The following MICAL2 variants were observed in gnomAD, a reference collection of about 807,000 sequenced individuals.
MICAL2 encodes [F-actin]-monooxygenase MICAL2.
MICAL2 carries 77 observed loss-of-function variants against 127.3 expected under a neutral mutation model. The observed-to-expected ratio is 0.60, with a 90% CI of 0.50 to 0.73. The LOEUF is 0.73. Among genes scored for constraint, MICAL2 ranks in the 30% least tolerant of loss-of-function variants. The pLI is 0.00. For synonymous variants in MICAL2, 570 were observed against 551.1 expected (o/e 1.03, Z -0.48); for missense variants, 1,351 against 1,434.4 (o/e 0.94, Z 0.94).
chr11:12,225,931 A>G (rs965433521), intron 13 of MICAL2, among the ~76,000 whole-genome samples: 1 of 152,234 alleles, frequency 6.6e-6, no homozygotes, highest in Admixed American at 6.5e-5. Context: ...TCATTTTCTG[A>G]TGGCTTTAGC....
In MICAL2 at chr11:12,260,117, C is replaced by A. The variant is rs542481264; in HGVS notation, c.3334+220C>A. Reference sequence around the variant, plus strand: ...GCCATGTACAGGGAATCTGAGGGCTCCCTCGAGAGCATCTGCAACTGGGTG... The same window carrying A: ...GCCATGTACAGGGAATCTGAGGGCTACCTCGAGAGCATCTGCAACTGGGTG... On this transcript the variant is annotated intron_variant, in intron 26 of 27. Coordinates refer to ENST00000683283, the MANE Select transcript of MICAL2 (RefSeq NM_001282663.2). 4.5e-5 allele frequency: 69 copies of A among 1,535,274 alleles called. No homozygotes were observed. In the South Asian group the frequency reaches 7.1e-4, roughly 16 times the overall value.
chr11:12,144,634 C>A (rs1194014809), intron 2 of MICAL2, among the ~76,000 whole-genome samples: 1 of 152,182 alleles, frequency 6.6e-6, no homozygotes, highest in African/African-American at 2.4e-5. Flanking sequence ...TCTGCAGCCT[C>A]CGAGCCATTA....
At chr11:12,255,396 A>T (rs551076884) in intron 22 of MICAL2, 2 of 499,632 alleles carry the variant, frequency 4.0e-6, no homozygotes, top group South Asian at 4.4e-5. Flanking sequence ...TACTCTAGGT[A>T]CCACATATAA....
chr11:12,211,122 G>A (rs1855403215), intron 6 of MICAL2, among the ~76,000 whole-genome samples: 1 of 152,236 alleles, frequency 6.6e-6, no homozygotes, highest in African/African-American at 2.4e-5. Flanking sequence ...GCTCACACCT[G>A]TAATCCCAGC....
At chr11:12,283,449 T>C (rs913655445) in intron 2 of MICAL2, among the ~76,000 whole-genome samples, 1 of 151,420 alleles carries the variant, frequency 6.6e-6, no homozygotes, top group African/African-American at 2.4e-5. Flanking sequence ...AACAGACAAA[T>C]GGATAAACAA....
intron 17 of MICAL2, among the ~76,000 whole-genome samples, chr11:12,239,932 T>G (rs1859636547): frequency 6.6e-6 from 1 of 152,410 alleles, no homozygotes; most frequent in East Asian, 1.9e-4. Flanking sequence ...GTGGTTGTTC[T>G]GCATTAAATA....
intron 30 of MICAL2, among the ~76,000 whole-genome samples, chr11:12,320,718 C>T (rs1376798662): frequency 6.6e-6 from 1 of 151,994 alleles, no homozygotes; most frequent in Admixed American, 6.6e-5. Context: ...GGAGATTTGA[C>T]ATCATCTCAA....
intron 6 of MICAL2, among the ~76,000 whole-genome samples, chr11:12,212,314 T>TA (rs950149039): frequency 2.7e-5 from 4 of 150,826 alleles, no homozygotes; most frequent in East Asian, 3.9e-4. Flanking sequence ...CACAAACACT[T>TA]AAAAAAAAAT....
intron 29 of MICAL2, among the ~76,000 whole-genome samples, chr11:12,301,950 T>G (rs2134805765): frequency 6.6e-6 from 1 of 152,326 alleles, no homozygotes; most frequent in South Asian, 2.1e-4. Flanking sequence ...TTGTAAGCTC[T>G]TTTTAATAAA....
exon 30 of MICAL2, chr11:12,319,746 G>GACTCTTCAA: frequency 6.2e-7 from 1 of 1,614,082 alleles, no homozygotes; most frequent in Non-Finnish European, 8.5e-7. Context: ...TTCCTCTTCT[G>GACTCTTCAA]CCTCTTCAAC....
intron 26 of MICAL2, chr11:12,262,096 G>A (rs1590702163): frequency 9.9e-6 from 11 of 1,115,210 alleles, no homozygotes; most frequent in Middle Eastern, 4.1e-4. Context: ...TGAGATGTTT[G>A]TACGCTCTGA....
At chr11:12,152,488 G>A (rs977254562) in intron 2 of MICAL2, among the ~76,000 whole-genome samples, 17 of 152,020 alleles carry the variant, frequency 1.1e-4, no homozygotes, top group African/African-American at 4.1e-4. Flanking sequence ...GGAACACAGG[G>A]TCTGAGTGTT....
At chr11:12,206,174 C>T (rs147348916) in intron 4 of MICAL2, among the ~76,000 whole-genome samples, 13 of 152,278 alleles carry the variant, frequency 8.5e-5, no homozygotes, top group Non-Finnish European at 1.6e-4. Context: ...TTTAGAACCA[C>T]TGTATTGAGC....
intron 29 of MICAL2, among the ~76,000 whole-genome samples, chr11:12,309,210 T>A (rs1443529966): frequency 1.3e-5 from 2 of 152,206 alleles, no homozygotes; most frequent in Non-Finnish European, 2.9e-5. Flanking sequence ...CTCTTCTAGC[T>A]ATTTTGAAAT....
At chr11:12,205,828 G>A (rs1854606079) in intron 4 of MICAL2, among the ~76,000 whole-genome samples, 1 of 152,216 alleles carries the variant, frequency 6.6e-6, no homozygotes, top group African/African-American at 2.4e-5. Flanking sequence ...TGAGCAAGAA[G>A]CAGCCATCGT....
upstream of MICAL2, among the ~76,000 whole-genome samples, chr11:12,272,581 G>A (rs1438359373): frequency 6.6e-6 from 1 of 152,296 alleles, no homozygotes; most frequent in African/African-American, 2.4e-5. Flanking sequence ...GCATGGAGCT[G>A]GGTCTTTGCC....
chr11:12,360,843 T>C (rs1159260260), downstream of MICAL2, among the ~76,000 whole-genome samples: 1 of 152,212 alleles, frequency 6.6e-6, no homozygotes, highest in Non-Finnish European at 1.5e-5. Flanking sequence ...AACAGTTTTC[T>C]ATATACACTG....
chr11:12,233,749 G>A (rs1051463984), intron 15 of MICAL2, among the ~76,000 whole-genome samples: 5 of 152,154 alleles, frequency 3.3e-5, no homozygotes, highest in Non-Finnish European at 5.9e-5. Context: ...TTATTCTCAT[G>A]TTCTCTTTGG....
At chr11:12,268,765 C>A (rs10741573), downstream of MICAL2, among the ~76,000 whole-genome samples, 90,242 of 151,476 alleles carry the variant, frequency 0.6, 28,680 homozygotes, top group Non-Finnish European at 0.72. Context: ...CCAAGGTGGG[C>A]GGATCAGGAG....
Sources: allele counts gnomAD v4.1 joint callset (sites outside exome capture counted in the v4.1 genomes callset), GRCh38; gene constraint gnomAD v4.1.1; transcripts MANE v1.5; gene names NCBI Gene and HGNC (gene_info 2026-07-23, HGNC 2026-07-21).